The following STK33 variants were observed in gnomAD, a reference collection of about 807,000 sequenced individuals.
STK33 encodes serine/threonine kinase 33, also known as serine/threonine-protein kinase 33.
A neutral mutation model predicts 58.0 loss-of-function variants in STK33; 52 were observed. The observed-to-expected ratio is 0.90, with a 90% CI of 0.72 to 1.13. The LOEUF (loss-of-function observed/expected upper bound fraction) is 1.13. Among genes scored for constraint, STK33 ranks in the 50% most tolerant of loss-of-function variants. The pLI, the probability that STK33 is intolerant of heterozygous loss-of-function variation, is 0.00. For missense variants in STK33, 630 were observed against 604.2 expected (o/e 1.04, Z -0.45); for synonymous variants, 215 against 200.1 (o/e 1.07, Z -0.63).
At chr11:8,536,967 AAAAG>A in intron 1 of STK33, among the ~76,000 whole-genome samples, 3 of 135,672 alleles carry the variant, frequency 2.2e-5, no homozygotes, top group South Asian at 2.2e-4. Context: ...AAAAAAAAAA[AAAAG>A]ATTTTTTTTT....
At chr11:8,533,017 T>C (rs183942631) in intron 1 of STK33, among the ~76,000 whole-genome samples, 2 of 152,358 alleles carry the variant, frequency 1.3e-5, no homozygotes, top group African/African-American at 4.8e-5. Flanking sequence ...AATTCTGTCA[T>C]GTTTGTACAC....
At chr11:8,454,885 A>G in intron 9 of STK33, 53 bp from the exon 10 acceptor site, 1 of 1,454,636 alleles carries the variant, frequency 6.9e-7, no homozygotes, top group East Asian at 2.5e-5. Context: ...GAAAAATAGG[A>G]GAGACACATA....
At chr11:8,484,893 T>G (rs1950094497) in intron 1 of STK33, among the ~76,000 whole-genome samples, 1 of 152,180 alleles carries the variant, frequency 6.6e-6, no homozygotes, top group African/African-American at 2.4e-5. Flanking sequence ...GGCATGTTAT[T>G]AGTAGATTAT....
At chr11:8,488,037 T>C (rs1380731028) in intron 1 of STK33, among the ~76,000 whole-genome samples, 1 of 152,190 alleles carries the variant, frequency 6.6e-6, no homozygotes, top group Non-Finnish European at 1.5e-5. Context: ...TAACAGCTAC[T>C]GGAGAAAGGA....
chr11:8,464,828 GAAAAA>G lies in STK33; in HGVS notation c.340-11_340-7del. Reference sequence around the variant, plus strand: ...CTTCCAAAGGTATAGATTTCCTGGAGAAAAAAAAAAAAAGAGTTGTCTCTCTATGC... The same window carrying G: ...CTTCCAAAGGTATAGATTTCCTGGAGAAAAAAAAGAGTTGTCTCTCTATGC... On this transcript the variant is annotated splice_region_variant and splice_polypyrimidine_tract_variant and intron_variant, in intron 6 of 15. Coordinates refer to ENST00000687296, the MANE Select transcript of STK33 (RefSeq NM_001352389.2). 2.6e-6 allele frequency: 3 copies of G among 1,143,850 alleles called. No individual in the cohort carries two copies. Among genetic ancestry groups the G allele is most frequent in the Non-Finnish European group, 3.6e-6 (3 of 822,384 alleles). 70.9% of individuals were successfully genotyped at this position (1,143,850 alleles called of 1,614,324 possible).
intron 1 of STK33, among the ~76,000 whole-genome samples, chr11:8,530,369 G>T (rs7105027): frequency 0.23 from 35,241 of 151,438 alleles, 4,378 homozygotes; most frequent in African/African-American, 0.31. Context: ...TTACTGGTAA[G>T]GGAAGAAGAG....
intron 1 of STK33, among the ~76,000 whole-genome samples, chr11:8,504,760 T>C (rs376019690): frequency 7.2e-5 from 11 of 152,146 alleles, no homozygotes; most frequent in South Asian, 6.2e-4. Flanking sequence ...ATCACGCCAC[T>C]GTATTCCAGC....
At chr11:8,394,922 T>G (rs544318683) in intron 15 of STK33, among the ~76,000 whole-genome samples, 2 of 152,310 alleles carry the variant, frequency 1.3e-5, no homozygotes, top group East Asian at 3.9e-4. Flanking sequence ...TGATTAAATA[T>G]TCACAATGTT....
At chr11:8,365,858 G>A in the STK33 span, among the ~76,000 whole-genome samples, 1 of 152,058 alleles carries the variant, frequency 6.6e-6, no homozygotes, top group Non-Finnish European at 1.5e-5. Context: ...ACCCCACAGA[G>A]TCCTGGAACT....
chr11:8,445,529 C>A (rs547173298), intron 11 of STK33, among the ~76,000 whole-genome samples: 1 of 152,260 alleles, frequency 6.6e-6, no homozygotes, highest in Admixed American at 6.5e-5. Context: ...TCATAAATAG[C>A]TCTTATTATT....
intron 1 of STK33, among the ~76,000 whole-genome samples, chr11:8,546,489 T>C (rs1356274703): frequency 6.6e-6 from 1 of 152,192 alleles, no homozygotes; most frequent in African/African-American, 2.4e-5. Context: ...ATAAAATAAA[T>C]TACTGTTAAC....
At chr11:8,376,848 A>G in the STK33 span, among the ~76,000 whole-genome samples, 6 of 152,024 alleles carry the variant, frequency 3.9e-5, no homozygotes, top group South Asian at 2.1e-4. Flanking sequence ...CCGATTCTGC[A>G]TTTCTTTTAA....
chr11:8,569,490 C>T (rs1461767220), intron 1 of STK33, among the ~76,000 whole-genome samples: 3 of 152,170 alleles, frequency 2.0e-5, no homozygotes, highest in South Asian at 2.1e-4. Context: ...CACACAAATG[C>T]AAAAGCTAAA....
the STK33 span, among the ~76,000 whole-genome samples, chr11:8,377,880 A>G: frequency 6.6e-6 from 1 of 152,220 alleles, no homozygotes; most frequent in Non-Finnish European, 1.5e-5. Flanking sequence ...TAAAATACCT[A>G]GGAATATACT....
chr11:8,335,497 T>C, the STK33 span, among the ~76,000 whole-genome samples: 1 of 152,306 alleles, frequency 6.6e-6, no homozygotes, highest in South Asian at 2.1e-4. Flanking sequence ...TTGAGGCAAG[T>C]CTGGTCTCTC....
At chr11:8,336,859 G>C in the STK33 span, among the ~76,000 whole-genome samples, 1 of 152,222 alleles carries the variant, frequency 6.6e-6, no homozygotes, top group African/African-American at 2.4e-5. Context: ...CTGCAGGCAG[G>C]GCCAGGCTGC....
intron 1 of STK33, among the ~76,000 whole-genome samples, chr11:8,490,941 C>G (rs1341902078): frequency 2.0e-5 from 3 of 152,200 alleles, no homozygotes; most frequent in East Asian, 1.9e-4. Context: ...TGTAGGTCAC[C>G]AACATCAAAG....
At chr11:8,448,290 T>C (rs567423487) in intron 11 of STK33, among the ~76,000 whole-genome samples, 1,933 of 152,226 alleles carry the variant, frequency 0.013, 44 homozygotes, top group African/African-American at 0.044. Context: ...TACTTTAAAG[T>C]TCATATGGAG....
intron 11 of STK33, among the ~76,000 whole-genome samples, chr11:8,451,893 C>A (rs974530330): frequency 1.3e-5 from 2 of 151,894 alleles, no homozygotes; most frequent in Non-Finnish European, 2.9e-5. Context: ...TGTTTGATGG[C>A]GATGAAACTG....
Sources: allele counts gnomAD v4.1 joint callset (sites outside exome capture counted in the v4.1 genomes callset), GRCh38; gene constraint gnomAD v4.1.1; transcripts MANE v1.5; gene names NCBI Gene and HGNC (gene_info 2026-07-23, HGNC 2026-07-21).